LMTK3: variants seen among roughly 807,000 people sequenced by gnomAD.
LMTK3 encodes lemur tail kinase 3, also known as serine/threonine-protein kinase LMTK3.
A neutral mutation model predicts 116.7 loss-of-function variants in LMTK3; 27 were observed. The ratio of observed to expected loss-of-function variants is 0.23; its 90% CI spans 0.17 to 0.32. The LOEUF (loss-of-function observed/expected upper bound fraction) is 0.32. LMTK3 is among the 10% of genes least tolerant of loss of function. The pLI is 1.00. For missense variants in LMTK3, 1,764 were observed against 2,068.5 expected (o/e 0.85, Z 2.86); for synonymous variants, 965 against 971.0 (o/e 0.99, Z 0.11).
Position 48,485,663 on chromosome 19 carries a change from G to C in LMTK3, c.*110C>G. On this transcript the variant is annotated 3_prime_UTR_variant, in exon 15 of 15. Transcript: ENST00000600059. ...GGGAGGGGGAGGGCCCAGCCTCGGG[G>C]GCCTCCCCAGAGGCGGCGTCTGCGG... 8.1e-7 allele frequency: 1 copy of C among 1,241,384 alleles called. No individual in the cohort carries two copies. Among genetic ancestry groups the C allele is most frequent in the East Asian group, 2.5e-5 (1 of 39,284 alleles). The allele number at this position is 1,241,384 out of a possible 1,614,324, so 76.9% of individuals were successfully genotyped here.
chr19:48,493,616 C>A, intron 12 of LMTK3, 78 bp downstream of exon 12: 1 of 1,478,948 alleles, frequency 6.8e-7, no homozygotes, highest in Non-Finnish European at 9.0e-7. Flanking sequence ...CTCGGCCTCC[C>A]GCCAGGCCCT....
At position 48,501,571 on chromosome 19, in the gene LMTK3, A is replaced by G. The variant is rs368313153; in HGVS notation, c.795-9T>C. The stretch of plus-strand genomic sequence containing the variant: ...TGCGCAGGGCCAGGTCGCTGCGGGA[A>G]GAACGCGAGGAGGTGAGCGCAGGGG... On this transcript the variant is annotated splice_polypyrimidine_tract_variant and intron_variant, in intron 7 of 14. Coordinates refer to ENST00000600059, the MANE Select transcript of LMTK3 (RefSeq NM_001388485.1). 1 of 1,601,598 alleles carries G rather than the reference A, an allele frequency of 6.2e-7. No individual in the cohort carries two copies. The highest frequency in any genetic ancestry group is 1.3e-5 in the African/African-American group (1 of 74,696).
intron 5 of LMTK3, 70 bp downstream of exon 5, chr19:48,508,781 C>T: frequency 8.6e-7 from 1 of 1,167,488 alleles, no homozygotes; most frequent in African/African-American, 1.5e-5. Context: ...GGTGTGACCC[C>T]ATACAGCACT....
rs1391248763 is a variant in LMTK3 at position 48,499,635 on chromosome 19, C to T, written c.1434G>A (p.Glu478=). ...CACGCCGGGCCTTCTCCCACAGGCA[C>T]TCGAGGTTGAGGCCGCGGCTACTCT... ...VTESSRGLNL[E]CLWEKARRGA... is the part of the protein sequence containing the mutation. Residue 478 remains glutamate (E), a synonymous_variant, in exon 11 of 15, where the codon GAG becomes GAA. Coordinates refer to ENST00000600059, the MANE Select transcript of LMTK3 (RefSeq NM_001388485.1). 3.2e-6 allele frequency: 5 copies of T among 1,542,598 alleles called. No individual in the cohort carries two copies. The African/African-American group carries it at 5.5e-5, about 17-fold the overall frequency.
In LMTK3 at chr19:48,498,447, G is replaced by T; in HGVS notation, c.2622C>A (p.Leu874=). 1.2e-6 allele frequency: 2 copies of T among 1,604,792 alleles called. No individual in the cohort carries two copies. The highest frequency in any genetic ancestry group is 3.3e-4 in the Middle Eastern group (2 of 6,054). Residue 874 remains leucine, a synonymous_variant, in exon 11 of 15, where the codon CTC becomes CTA. Transcript: ENST00000600059. ...GGGCTGTCGCCCCCTTCTCCCCCAGGAGGTTCCTTGTCACATCCTCCCGCA... is the reference window on the plus strand; with the variant it reads ...GGGCTGTCGCCCCCTTCTCCCCCAGTAGGTTCCTTGTCACATCCTCCCGCA... ...MSLREDVTRN[L]LGEKGATARE...
chr19:48,512,954 C>T (rs1253048290), upstream of LMTK3, among the ~76,000 whole-genome samples: 2 of 152,152 alleles, frequency 1.3e-5, no homozygotes, highest in South Asian at 2.1e-4. Context: ...CATACCTAAA[C>T]AGACATGGAC....
At chr19:48,496,960 G>A (rs1336622882) in intron 11 of LMTK3, among the ~76,000 whole-genome samples, 1 of 152,240 alleles carries the variant, frequency 6.6e-6, no homozygotes, top group Non-Finnish European at 1.5e-5. Flanking sequence ...TTCTTCTGAA[G>A]CCCCACTCTG....
rs141985173 is a variant in LMTK3 at position 48,486,540 on chromosome 19, G to A, written c.4367-751C>T. Among the ~76,000 whole-genome samples, 113 of 149,312 alleles carry A rather than the reference G, an allele frequency of 7.6e-4. 1 individual carries two copies. In the East Asian group the frequency reaches 0.021, roughly 28 times the overall value. On this transcript the variant is annotated intron_variant, in intron 14 of 14. Transcript: ENST00000600059. Reference sequence around the variant, plus strand: ...CCCTGTCCTTGGTTTTGTTGTTGTTGTTGCTGCTTTGTTTTGAGATGGAGT... The same window carrying A: ...CCCTGTCCTTGGTTTTGTTGTTGTTATTGCTGCTTTGTTTTGAGATGGAGT...
chr19:48,499,845 G>A lies in LMTK3; in HGVS notation c.1224C>T (p.Leu408=), dbSNP rs1485595089. 2 of 1,589,828 alleles carry A rather than the reference G, an allele frequency of 1.3e-6. No individual in the cohort carries two copies. Among genetic ancestry groups the A allele is most frequent in the African/African-American group, 2.7e-5 (2 of 74,630 alleles). Residue 408 remains leucine (L), a synonymous_variant, in exon 11 of 15, where the codon CTC becomes CTT. Coordinates refer to ENST00000600059, the MANE Select transcript of LMTK3 (RefSeq NM_001388485.1). ...RPSASDLQLQ[L]TYLLSERPPR... ...GAGGCCGCTCGGAGAGCAAGTAGGTGAGCTGCAATTGGAGATCAGAGGCTG... is the reference window on the plus strand; with the variant it reads ...GAGGCCGCTCGGAGAGCAAGTAGGTAAGCTGCAATTGGAGATCAGAGGCTG...
At chr19:48,506,792 G>A (rs1271420932) in intron 5 of LMTK3, among the ~76,000 whole-genome samples, 1 of 152,150 alleles carries the variant, frequency 6.6e-6, no homozygotes, top group Non-Finnish European at 1.5e-5. Context: ...AGCCTCCTGA[G>A]TAGCTGGGAT....
At chr19:48,489,135 T>C (rs192440291) in intron 14 of LMTK3, among the ~76,000 whole-genome samples, 321 of 152,342 alleles carry the variant, frequency 2.1e-3, no homozygotes, top group Non-Finnish European at 3.6e-3. Context: ...GTCATAGCAG[T>C]GTGTGGTCAG....
At chr19:48,513,110 C>A, upstream of LMTK3, 1 of 1,575,790 alleles carries the variant, frequency 6.3e-7, no homozygotes, top group Non-Finnish European at 8.6e-7. The surrounding 1 kb of genome is among the most constrained non-coding windows in gnomAD (Gnocchi z 5.6). Context: ...CACAGACACG[C>A]GCACAGACAC....
Position 48,491,840 on chromosome 19 carries a change from T to C in LMTK3, c.4093-301A>G, listed in dbSNP as rs940249625. ...TCATTAACGTGAGGCCTCCACCGGA[T>C]CCCCTAACCCAAAGCGATCTCCATA... On this transcript the variant is annotated intron_variant, in intron 12 of 14. Coordinates refer to ENST00000600059, the MANE Select transcript of LMTK3 (RefSeq NM_001388485.1). This position sits in a 1 kb window ranked among gnomAD's most constrained non-coding sequence, Gnocchi z 5.1. Among the ~76,000 whole-genome samples, 9 of 151,960 alleles carry C rather than the reference T, an allele frequency of 5.9e-5. No individual in the cohort carries two copies. The highest frequency in any genetic ancestry group is 1.9e-4 in the African/African-American group (8 of 41,344).
rs1219255614 is a variant in LMTK3 at position 48,499,089 on chromosome 19, G to T, written c.1980C>A (p.Gly660=). Residue 660 remains glycine, a synonymous_variant, in exon 11 of 15, where the codon GGC becomes GGA. Transcript: ENST00000600059. ...AGGGTAGGGGACCCCGGCGGCTTGG[G>T]CCACCTCCAAGGCTGCTGCTGTCTT... ...PGEDSSSLGG[G]PSRRGPLPCP... The T allele has an allele frequency of 6.4e-7, 1 of 1,550,494 alleles. No individual in the cohort carries two copies. Among genetic ancestry groups the T allele is most frequent in the East Asian group, 2.4e-5 (1 of 41,342 alleles).
Position 48,501,151 on chromosome 19 carries a change from G to A in LMTK3, c.1002-6C>T. On this transcript the variant is annotated splice_region_variant and splice_polypyrimidine_tract_variant and intron_variant, in intron 9 of 14. Transcript: ENST00000600059. ...ACAGGGTCACCCCCAGGGACCTGCA[G>A]AGAGCAGAGAGAGGTCAGAGCCCAG... 2 of 1,610,850 alleles carry A rather than the reference G, an allele frequency of 1.2e-6. No homozygotes were observed. The highest frequency in any genetic ancestry group is 1.3e-5 in the African/African-American group (1 of 74,920).
chr19:48,513,183 G>A (rs1472177194), upstream of LMTK3: 1 of 1,599,730 alleles, frequency 6.3e-7, no homozygotes, highest in Non-Finnish European at 8.5e-7. The surrounding 1 kb of genome is among the most constrained non-coding windows in gnomAD (Gnocchi z 5.6). Context: ...CACAGCACTT[G>A]CCTCATACAA....
upstream of LMTK3, among the ~76,000 whole-genome samples, chr19:48,512,764 C>T (rs1007791546): frequency 1.3e-5 from 2 of 152,058 alleles, no homozygotes; most frequent in Non-Finnish European, 2.9e-5. Context: ...CACATGCATG[C>T]GGGCACACAC....
At chr19:48,501,635 T>C in intron 7 of LMTK3, 73 bp from the exon 8 acceptor site, 1 of 1,416,962 alleles carries the variant, frequency 7.1e-7, no homozygotes, top group Non-Finnish European at 9.6e-7. Flanking sequence ...CCTTTCACAC[T>C]GACTCCACCC....
intron 12 of LMTK3, 22 bp downstream of exon 12, chr19:48,493,672 C>A: frequency 5.2e-6 from 8 of 1,552,212 alleles, no homozygotes; most frequent in Non-Finnish European, 7.0e-6. Context: ...ACCCCGAAAC[C>A]GCGCCCTCTC....
Sources: allele counts gnomAD v4.1 joint callset (sites outside exome capture counted in the v4.1 genomes callset), GRCh38; gene constraint gnomAD v4.1.1; non-coding constraint Gnocchi (gnomAD v3.1); transcripts MANE v1.5; gene names NCBI Gene and HGNC (gene_info 2026-07-23, HGNC 2026-07-21).